Variants in ZDHHC17 observed in about 807,000 individuals in gnomAD.
ZDHHC17 encodes palmitoyltransferase ZDHHC17.
A neutral mutation model predicts 90.3 loss-of-function variants in ZDHHC17; 40 were observed. The observed-to-expected ratio is 0.44, with a 90% CI of 0.34 to 0.58. The LOEUF is 0.58. Among genes scored for constraint, ZDHHC17 ranks in the 20% least tolerant of loss-of-function variants. The pLI, the probability that ZDHHC17 is intolerant of heterozygous loss-of-function variation, is 0.01. For missense variants in ZDHHC17, 614 were observed against 780.8 expected, an observed-to-expected ratio of 0.79 and a Z score of 2.55; for synonymous variants, 235 against 252.4, an observed-to-expected ratio of 0.93 and a Z score of 0.65.
chr12:76,842,828 T>C (rs1305504305), intron 11 of ZDHHC17, 91 bp from the exon 12 acceptor site: 5 of 910,770 alleles, frequency 5.5e-6, no homozygotes, highest in Non-Finnish European at 8.3e-6. Flanking sequence ...AAATTAAAGA[T>C]GAAAATCATG....
chr12:76,807,637 A>G (rs1952970235), intron 3 of ZDHHC17, among the ~76,000 whole-genome samples: 1 of 152,186 alleles, frequency 6.6e-6, no homozygotes, highest in African/African-American at 2.4e-5. Flanking sequence ...TAGGATGCAG[A>G]AAAGTTCCCT....
intron 7 of ZDHHC17, among the ~76,000 whole-genome samples, chr12:76,821,858 T>A (rs1487583516): frequency 1.3e-5 from 2 of 152,144 alleles, no homozygotes; most frequent in African/African-American, 4.8e-5. Context: ...TGCTATTTTT[T>A]AAAATCATTT....
chr12:76,813,687 C>T (rs1477180890), intron 5 of ZDHHC17, among the ~76,000 whole-genome samples: 1 of 152,010 alleles, frequency 6.6e-6, no homozygotes, highest in Non-Finnish European at 1.5e-5. Flanking sequence ...ATTAGAACTG[C>T]TTGCTTAATG....
intron 1 of ZDHHC17, among the ~76,000 whole-genome samples, chr12:76,771,730 T>C (rs1952494357): frequency 6.6e-6 from 1 of 152,008 alleles, no homozygotes; most frequent in Non-Finnish European, 1.5e-5. Flanking sequence ...TTACCAAAAC[T>C]ATCCCTATTC....
intron 10 of ZDHHC17, among the ~76,000 whole-genome samples, chr12:76,834,645 CT>C (rs1243308684): frequency 1.3e-5 from 2 of 152,086 alleles, no homozygotes; most frequent in Non-Finnish European, 2.9e-5. Flanking sequence ...TGCTGTATAT[CT>C]TTTTTTCCCA....
At chr12:76,822,566 T>C in intron 8 of ZDHHC17, 35 bp downstream of exon 8, 1 of 1,508,722 alleles carries the variant, frequency 6.6e-7, no homozygotes, top group East Asian at 2.5e-5. Flanking sequence ...TTTTTTTTTT[T>C]TTTTTGAGAC....
At chr12:76,768,296 G>A (rs1443012205) in intron 1 of ZDHHC17, among the ~76,000 whole-genome samples, 1 of 152,210 alleles carries the variant, frequency 6.6e-6, no homozygotes, top group African/African-American at 2.4e-5. Context: ...CCTTGAGCTA[G>A]TAGGTATTTA....
chr12:76,835,050 C>T (rs1953347376), intron 10 of ZDHHC17, among the ~76,000 whole-genome samples: 1 of 130,414 alleles, frequency 7.7e-6, no homozygotes, highest in Non-Finnish European at 1.6e-5. Context: ...CCGCGAAAAG[C>T]CTTAGGCCTT....
chr12:76,850,662 G>A (rs1483981333), intron 16 of ZDHHC17, among the ~76,000 whole-genome samples, 185 bp from the exon 17 acceptor site: 1 of 152,130 alleles, frequency 6.6e-6, no homozygotes, highest in East Asian at 1.9e-4. Context: ...AATCATTGTT[G>A]GCAGAGCAGT....
intron 1 of ZDHHC17, among the ~76,000 whole-genome samples, chr12:76,789,313 A>C (rs945557760): frequency 1.3e-5 from 2 of 152,320 alleles, no homozygotes; most frequent in South Asian, 4.1e-4. Context: ...TGTCCTAAGC[A>C]CTGGACATAC....
At chr12:76,791,139 G>A (rs767290418) in intron 1 of ZDHHC17, among the ~76,000 whole-genome samples, 1 of 152,168 alleles carries the variant, frequency 6.6e-6, no homozygotes, top group Non-Finnish European at 1.5e-5. Flanking sequence ...TTTCAGGTAG[G>A]TTGTAAGAGT....
intron 12 of ZDHHC17, chr12:76,844,222 CTA>C (rs1037756407): frequency 4.2e-4 from 64 of 152,164 alleles, no homozygotes; most frequent in African/African-American, 1.5e-3. Context: ...AAGAATAAGA[CTA>C]ATTTTGTCAT....
chr12:76,813,764 G>T (rs914008368), intron 5 of ZDHHC17, among the ~76,000 whole-genome samples: 1 of 152,062 alleles, frequency 6.6e-6, no homozygotes, highest in African/African-American at 2.4e-5. Context: ...TATCCATTAT[G>T]TTCTCAGCTG....
chr12:76,808,197 A>G (rs969658458), intron 3 of ZDHHC17, among the ~76,000 whole-genome samples: 2 of 152,248 alleles, frequency 1.3e-5, no homozygotes, highest in African/African-American at 4.8e-5. Context: ...AGTAATCAGA[A>G]CAGTTTAAGA....
Position 76,764,199 on chromosome 12 carries a change from C to G in ZDHHC17, c.-38C>G. On this transcript the variant is annotated 5_prime_UTR_variant, in exon 1 of 17. Transcript: ENST00000426126. The stretch of plus-strand genomic sequence containing the variant: ...CTCGCCCCGCGCTCGCCCTCCGCCT[C>G]GCCCGAGCCCCGGGAGGGTGAAACG... 6.6e-7 allele frequency: 1 copy of G among 1,513,836 alleles called. No individual in the cohort carries two copies. The allele number at this position is 1,513,836 out of a possible 1,614,324, so 93.8% of individuals were successfully genotyped here.
At position 76,828,908 on chromosome 12, in the gene ZDHHC17, G is replaced by A. The variant is rs1488671244; in HGVS notation, c.1141+418G>A. 2.0e-5 allele frequency among the ~76,000 whole-genome samples: 3 copies of A among 152,094 alleles called. 1 individual carries two copies. Among genetic ancestry groups the A allele is most frequent in the Admixed American group, 2.0e-4 (3 of 15,270 alleles). On this transcript the variant is annotated intron_variant, in intron 10 of 16. Transcript: ENST00000426126. ...ACAAGCATCCTCATTTCAAAAAATG[G>A]GTAAAGGACACAGACACAGACAGAC...
chr12:76,823,099 T>G (rs1199171293), intron 8 of ZDHHC17, among the ~76,000 whole-genome samples: 1 of 152,188 alleles, frequency 6.6e-6, no homozygotes, highest in African/African-American at 2.4e-5. Flanking sequence ...TAAATCTCCA[T>G]CGGCTACTCG....
At chr12:76,821,277 C>G (rs1418708507) in intron 7 of ZDHHC17, 1 of 334,074 alleles carries the variant, frequency 3.0e-6, no homozygotes, top group African/African-American at 2.2e-5. Flanking sequence ...GTGGAAGACT[C>G]CTAGATTAGC....
At chr12:76,825,604 C>G (rs1041315304) in intron 8 of ZDHHC17, among the ~76,000 whole-genome samples, 1 of 151,672 alleles carries the variant, frequency 6.6e-6, no homozygotes. Context: ...AATTATTACT[C>G]TAAGTTAAAA....
Sources: allele counts gnomAD v4.1 joint callset (sites outside exome capture counted in the v4.1 genomes callset), GRCh38; gene constraint gnomAD v4.1.1; transcripts MANE v1.5; gene names NCBI Gene and HGNC (gene_info 2026-07-23, HGNC 2026-07-21).